TTLL3: variants seen among roughly 807,000 people sequenced by gnomAD.
TTLL3 encodes tubulin monoglycylase TTLL3.
In TTLL3, 63 loss-of-function variants were observed where a neutral mutation model predicts 75.2. The ratio of observed to expected loss-of-function variants is 0.84; its 90% CI spans 0.68 to 1.03. TTLL3 has a LOEUF of 1.03. TTLL3 is among the 50% of genes least tolerant of loss of function. The pLI is 0.00. For missense variants in TTLL3, 997 were observed against 1,069.9 expected (o/e 0.93, Z 0.95); for synonymous variants, 393 against 418.5 (o/e 0.94, Z 0.74).
intron 11 of TTLL3, among the ~76,000 whole-genome samples, chr3:9,830,965 G>C (rs560210369): frequency 6.6e-5 from 10 of 152,212 alleles, no homozygotes; most frequent in African/African-American, 2.4e-4. Flanking sequence ...ACCATGCCCG[G>C]CTAATTTTTT....
intron 2 of TTLL3, among the ~76,000 whole-genome samples, chr3:9,811,787 A>G (rs1185848248): frequency 6.6e-6 from 1 of 152,128 alleles, no homozygotes; most frequent in Non-Finnish European, 1.5e-5. Context: ...GTCTCCCTTC[A>G]GTTCCTTCTG....
At chr3:9,817,537 C>T (rs901401909) in intron 5 of TTLL3, 108 bp from the exon 6 acceptor site, 12 of 1,580,410 alleles carry the variant, frequency 7.6e-6, no homozygotes, top group Non-Finnish European at 9.5e-6. Context: ...ACCTTGCAAG[C>T]GGGGCCAAGG....
In TTLL3 at chr3:9,835,576, C is replaced by G; in HGVS notation, c.*87C>G. 1 of 1,306,666 alleles carries G rather than the reference C, an allele frequency of 7.7e-7. No individual in the cohort carries two copies. The highest frequency in any genetic ancestry group is 1.0e-6 in the Non-Finnish European group (1 of 958,854). The allele number at this position is 1,306,666 out of a possible 1,614,324, so 80.9% of individuals were successfully genotyped here. On this transcript the variant is annotated 3_prime_UTR_variant, in exon 14 of 14. Transcript: ENST00000685419. Reference sequence around the variant, plus strand: ...GCTTCCTATTTAGGGACTCCCCCAGCATCTCCGATCCAGGGGTGGGGAGCG... The same window carrying G: ...GCTTCCTATTTAGGGACTCCCCCAGGATCTCCGATCCAGGGGTGGGGAGCG...
At chr3:9,813,771 C>A (rs931187672) in intron 4 of TTLL3, among the ~76,000 whole-genome samples, 28 of 152,142 alleles carry the variant, frequency 1.8e-4, no homozygotes, top group Admixed American at 1.7e-3. Context: ...GGCAGCAAAG[C>A]AAGACTCTAT....
In TTLL3 at chr3:9,835,293, C is replaced by T. The variant is rs755935423; in HGVS notation, c.2252C>T (p.Thr751Ile). 1.9e-6 allele frequency: 3 copies of T among 1,614,218 alleles called. No individual in the cohort carries two copies. In the East Asian group the frequency reaches 6.7e-5, roughly 36 times the overall value. ...CTGAAACCCCTGCCCCTTGTTGGTA[C>T]ATTCCAGAGGCGCAGGGGCCTGGGG... ...SPLKPLPLVG[T>I]FQRRRGLGDM... The change falls in exon 14 of 14, where the codon ACA (threonine) becomes ATA (isoleucine). Residue 751 changes from threonine (T) to isoleucine (I), a missense_variant. Transcript: ENST00000685419.
intron 12 of TTLL3, 134 bp downstream of exon 12, chr3:9,833,379 G>A (rs984060187): frequency 3.7e-5 from 51 of 1,391,522 alleles, no homozygotes; most frequent in Admixed American, 1.0e-4. Context: ...AAGGCAAGGC[G>A]AAAAGGGCCA....
At chr3:9,811,234 A>T (rs2079325526) in intron 2 of TTLL3, among the ~76,000 whole-genome samples, 1 of 151,646 alleles carries the variant, frequency 6.6e-6, no homozygotes, top group African/African-American at 2.4e-5. Context: ...CCAGCCTCGA[A>T]CTCCACATCC....
intron 7 of TTLL3, chr3:9,819,368 C>A: frequency 6.2e-6 from 2 of 322,092 alleles, no homozygotes; most frequent in Non-Finnish European, 9.3e-6. Flanking sequence ...GTCCCAGGTA[C>A]TTAGACACTT....
chr3:9,826,725 CAAAA>C (rs36060940), intron 9 of TTLL3, among the ~76,000 whole-genome samples: 5 of 75,234 alleles, frequency 6.6e-5, no homozygotes, highest in Admixed American at 1.5e-4. Context: ...AGGGCTGTCT[CAAAA>C]AAAAAAAAAA....
rs116331894 is a variant in TTLL3 at position 9,810,768 on chromosome 3, C to T, written c.48+59C>T. ...CCTGGGAGCGGCTCAGCCTGTCTCC[C>T]TGCGCTGTTTTCTTATATCCTTAAA... On this transcript the variant is annotated intron_variant, in intron 2 of 13. Transcript: ENST00000685419. The surrounding 1 kb of genome is among the most constrained non-coding windows in gnomAD (Gnocchi z 4.4). 5.8e-4 allele frequency: 840 copies of T among 1,459,168 alleles called. 6 individuals are homozygous for T. In the African/African-American group the frequency reaches 0.01, roughly 18 times the overall value. The allele number at this position is 1,459,168 out of a possible 1,614,324, so 90.4% of individuals were successfully genotyped here.
At chr3:9,832,012 A>G (rs1044265085) in intron 11 of TTLL3, among the ~76,000 whole-genome samples, 2 of 149,402 alleles carry the variant, frequency 1.3e-5, no homozygotes, top group Admixed American at 6.7e-5. Flanking sequence ...GCTGGTCTCC[A>G]ATTCCTGACC....
intron 12 of TTLL3, chr3:9,834,285 T>C (rs1575421356): frequency 2.3e-6 from 1 of 442,914 alleles, no homozygotes; most frequent in East Asian, 6.7e-5. Flanking sequence ...GTATTCTGCC[T>C]TTGCCTTCAA....
chr3:9,827,570 G>A lies in TTLL3; in HGVS notation c.1247+330G>A, dbSNP rs150231715. 1,800 of 277,188 alleles carry A rather than the reference G, an allele frequency of 6.5e-3. 26 individuals are homozygous for A. The highest frequency in any genetic ancestry group is 0.029 in the African/African-American group (1,325 of 45,824). 17.2% of individuals were successfully genotyped at this position (277,188 alleles called of 1,614,324 possible). On this transcript the variant is annotated intron_variant, in intron 10 of 13. Coordinates refer to ENST00000685419, the MANE Select transcript of TTLL3 (RefSeq NM_001387446.1). ...GGCATGTACCACAGCTGATTTTTAAGTTTTTTAATGTAGACATGGGGTCTC... is the reference window on the plus strand; with the variant it reads ...GGCATGTACCACAGCTGATTTTTAAATTTTTTAATGTAGACATGGGGTCTC...
In TTLL3 at chr3:9,836,280, GAC is replaced by G. The variant is rs986593582; in HGVS notation, c.*793_*794del. ...ACGCCACTGCGCTCTGAGCCTGGGAGACAGAGTGAAACCCTAAATCAAAAAAA... is the reference window on the plus strand; with the variant it reads ...ACGCCACTGCGCTCTGAGCCTGGGAGAGAGTGAAACCCTAAATCAAAAAAA... On this transcript the variant is annotated 3_prime_UTR_variant, in exon 14 of 14. Transcript: ENST00000685419. 10 of 149,254 alleles carry G rather than the reference GAC, an allele frequency of 6.7e-5. No individual in the cohort carries two copies. Among genetic ancestry groups the G allele is most frequent in the Non-Finnish European group, 1.0e-4 (7 of 67,658 alleles). 9.2% of individuals were successfully genotyped at this position (149,254 alleles called of 1,614,324 possible). A position where few individuals can be genotyped will look rare whatever the true frequency, so the allele number is the denominator to read the frequency against.
intron 10 of TTLL3, 155 bp downstream of exon 10, chr3:9,827,395 A>T: frequency 7.3e-7 from 1 of 1,373,708 alleles, no homozygotes; most frequent in South Asian, 1.5e-5. Flanking sequence ...CTGTCCTTGC[A>T]TCCAACAGAT....
rs1339288408 is a variant in TTLL3, at chr3:9,810,403, C to G, written c.-42+9C>G. 1.4e-6 allele frequency: 2 copies of G among 1,413,554 alleles called. No individual in the cohort carries two copies. Among genetic ancestry groups the G allele is most frequent in the East Asian group, 2.8e-5 (1 of 36,266 alleles). 87.6% of individuals were successfully genotyped at this position (1,413,554 alleles called of 1,614,324 possible). A position where few individuals can be genotyped will look rare whatever the true frequency, so the allele number is the denominator to read the frequency against. ...CCCCTCTCCGCAGGATGGTGAGGCC[C>G]GTGCGGCCCGCTCGCTCTGGCCTAC... On this transcript the variant is annotated intron_variant, in intron 1 of 13. Transcript: ENST00000685419. This position sits in a 1 kb window ranked among gnomAD's most constrained non-coding sequence, Gnocchi z 4.4.
At chr3:9,817,533 C>G (rs556618206) in intron 5 of TTLL3, 112 bp from the exon 6 acceptor site, 2 of 1,578,464 alleles carry the variant, frequency 1.3e-6, no homozygotes, top group East Asian at 2.3e-5. Context: ...TCAGACCTTG[C>G]AAGCGGGGCC....
At chr3:9,814,209 G>A (rs1195742863) in intron 4 of TTLL3, among the ~76,000 whole-genome samples, 1 of 152,040 alleles carries the variant, frequency 6.6e-6, no homozygotes, top group Non-Finnish European at 1.5e-5. Flanking sequence ...GGTGGCAGGC[G>A]CCTGTAATCC....
intron 8 of TTLL3, among the ~76,000 whole-genome samples, chr3:9,822,312 C>T (rs963714147): frequency 1.3e-5 from 2 of 151,844 alleles, no homozygotes; most frequent in African/African-American, 2.4e-5. Flanking sequence ...CGTGATCCGC[C>T]CTCCTCAGCC....
Sources: allele counts gnomAD v4.1 joint callset (sites outside exome capture counted in the v4.1 genomes callset), GRCh38; gene constraint gnomAD v4.1.1; non-coding constraint Gnocchi (gnomAD v3.1); transcripts MANE v1.5; gene names NCBI Gene and HGNC (gene_info 2026-07-23, HGNC 2026-07-21).